The following LUZP2 variants were observed in gnomAD, a reference collection of about 807,000 sequenced individuals.
The protein encoded by LUZP2 is leucine zipper protein 2.
A neutral mutation model predicts 51.6 loss-of-function variants in LUZP2; 52 were observed. The observed-to-expected ratio is 1.01, with a 90% CI of 0.81 to 1.27. The LOEUF is 1.27. Ranked by LOEUF, LUZP2 falls within the 50% of genes most tolerant of loss-of-function variation. The probability of loss-of-function intolerance (pLI) is 0.00; values close to 1 mark genes in which losing one functional copy is unlikely to be tolerated. For synonymous variants in LUZP2, 154 were observed against 137.3 expected (o/e 1.12, Z -0.85); for missense variants, 436 against 395.4 (o/e 1.10, Z -0.87).
rs2133972440 is a variant in LUZP2 at position 24,732,188 on chromosome 11, G to A, written c.251G>A (p.Arg84Lys). The change falls in exon 3 of 12, where the codon AGA (arginine) becomes AAA (lysine). Residue 84 changes from arginine to lysine, a missense_variant and splice_region_variant. Transcript: ENST00000336930. ...QKLLELGQKQ[R>K]EEMKSLQEAL... ...CTTCTGGAATTAGGACAGAAACAAA[G>A]GTAAGACTTTTCTTTTTTTCTTAGT... 6.3e-7 allele frequency: 1 copy of A among 1,598,940 alleles called. No individual in the cohort carries two copies. Among genetic ancestry groups the A allele is most frequent in the Non-Finnish European group, 8.5e-7 (1 of 1,172,358 alleles).
intron 5 of LUZP2, among the ~76,000 whole-genome samples, chr11:24,847,449 G>A (rs574680748): frequency 6.6e-6 from 1 of 152,094 alleles, no homozygotes; most frequent in Non-Finnish European, 1.5e-5. Flanking sequence ...TCTGTCTAAT[G>A]TTTTATCATG....
chr11:24,884,227 G>T (rs749832543), intron 5 of LUZP2, among the ~76,000 whole-genome samples: 5 of 151,918 alleles, frequency 3.3e-5, no homozygotes, highest in Non-Finnish European at 7.4e-5. Context: ...ATGCATCTGG[G>T]ATTAGACACT....
rs998947235 is a variant in LUZP2 at position 24,841,982 on chromosome 11, G to A, written c.397-64009G>A. Reference sequence around the variant, plus strand: ...TGAGGAAACTCACATACCTCACAATGAGTGTAAATAGACCAAAACATCCAT... The same window carrying A: ...TGAGGAAACTCACATACCTCACAATAAGTGTAAATAGACCAAAACATCCAT... On this transcript the variant is annotated intron_variant, in intron 5 of 11. Coordinates refer to ENST00000336930, the MANE Select transcript of LUZP2 (RefSeq NM_001009909.4). 2.6e-5 allele frequency among the ~76,000 whole-genome samples: 4 copies of A among 151,950 alleles called. 1 individual carries two copies. In the South Asian group the frequency reaches 8.3e-4, roughly 31 times the overall value.
intron 7 of LUZP2, among the ~76,000 whole-genome samples, chr11:24,922,644 A>AT (rs1210774169): frequency 2.0e-5 from 3 of 152,012 alleles, no homozygotes; most frequent in Admixed American, 2.0e-4. Flanking sequence ...TAACAATATT[A>AT]TTTTCTTACA....
At chr11:24,905,922 T>C in intron 5 of LUZP2, 69 bp from the exon 6 acceptor site, 1 of 1,115,656 alleles carries the variant, frequency 9.0e-7, no homozygotes, top group Non-Finnish European at 1.4e-6. Context: ...AGCAATAATG[T>C]TGACATAGTT....
At chr11:25,057,562 A>G (rs1305998017) in intron 10 of LUZP2, among the ~76,000 whole-genome samples, 1 of 152,166 alleles carries the variant, frequency 6.6e-6, no homozygotes, top group Non-Finnish European at 1.5e-5. Flanking sequence ...TGTGCCTCAT[A>G]TTGTTTAATA....
At chr11:25,062,621 A>G (rs1858877392) in intron 10 of LUZP2, among the ~76,000 whole-genome samples, 1 of 147,806 alleles carries the variant, frequency 6.8e-6, no homozygotes. Flanking sequence ...AAAGAAAGGA[A>G]AGGAAACCAG....
chr11:24,841,990 A>G (rs113921184), intron 5 of LUZP2, among the ~76,000 whole-genome samples: 9 of 152,176 alleles, frequency 5.9e-5, no homozygotes, highest in African/African-American at 1.9e-4. Context: ...ATGAGTGTAA[A>G]TAGACCAAAA....
chr11:24,733,882 G>A (rs1220039732), intron 3 of LUZP2, among the ~76,000 whole-genome samples: 1 of 151,632 alleles, frequency 6.6e-6, no homozygotes, highest in East Asian at 1.9e-4. Flanking sequence ...CACAATACAT[G>A]TGCAGCACCC....
At chr11:24,522,818 A>C (rs1207580956) in intron 1 of LUZP2, among the ~76,000 whole-genome samples, 1 of 152,116 alleles carries the variant, frequency 6.6e-6, no homozygotes, top group African/African-American at 2.4e-5. Flanking sequence ...TTTACATAGT[A>C]AATATATTCT....
chr11:24,620,025 T>G (rs1308839349), intron 1 of LUZP2, among the ~76,000 whole-genome samples: 1 of 152,178 alleles, frequency 6.6e-6, no homozygotes, highest in Non-Finnish European at 1.5e-5. Flanking sequence ...CTTCTCTATT[T>G]CTCATTTGGA....
rs1157904861 is a variant in LUZP2 at position 24,726,952 on chromosome 11, T to G, written c.63-2217T>G. On this transcript the variant is annotated intron_variant, in intron 1 of 11. Coordinates refer to ENST00000336930, the MANE Select transcript of LUZP2 (RefSeq NM_001009909.4). Reference sequence around the variant, plus strand: ...CTCTTACATAAGGACCTTAAATGTTTGAATCTAAAGTAGTACTGTTAATTA... The same window carrying G: ...CTCTTACATAAGGACCTTAAATGTTGGAATCTAAAGTAGTACTGTTAATTA... Among the ~76,000 whole-genome samples, 5 of 152,144 alleles carry G rather than the reference T, an allele frequency of 3.3e-5. 1 individual carries two copies. Among genetic ancestry groups the G allele is most frequent in the Admixed American group, 2.6e-4 (4 of 15,266 alleles).
At chr11:24,961,433 G>T (rs1226046917) in intron 7 of LUZP2, among the ~76,000 whole-genome samples, 3 of 152,170 alleles carry the variant, frequency 2.0e-5, no homozygotes, top group African/African-American at 7.2e-5. Context: ...GGGTGCTCCT[G>T]TATTGGGTGC....
intron 9 of LUZP2, among the ~76,000 whole-genome samples, chr11:25,018,225 C>G (rs2133969823): frequency 6.6e-6 from 1 of 152,150 alleles, no homozygotes; most frequent in East Asian, 1.9e-4. Context: ...TTAGGATATT[C>G]TAGGTATGCA....
intron 1 of LUZP2, among the ~76,000 whole-genome samples, chr11:24,550,190 T>C (rs1049495614): frequency 2.6e-5 from 4 of 152,066 alleles, no homozygotes; most frequent in African/African-American, 4.8e-5. Flanking sequence ...TGATACTAAT[T>C]GCTATAAATG....
At chr11:25,014,736 CAGA>C (rs1857094921) in intron 9 of LUZP2, among the ~76,000 whole-genome samples, 1 of 152,106 alleles carries the variant, frequency 6.6e-6, no homozygotes, top group African/African-American at 2.4e-5. Flanking sequence ...TTTTGCTGTG[CAGA>C]AGCTCTTTAG....
At chr11:24,839,040 G>T (rs1850943170) in intron 5 of LUZP2, among the ~76,000 whole-genome samples, 1 of 151,426 alleles carries the variant, frequency 6.6e-6, no homozygotes, top group African/African-American at 2.4e-5. Context: ...CATATGAGAT[G>T]GTTATAATTA....
At chr11:24,578,851 A>G (rs548565158) in intron 1 of LUZP2, among the ~76,000 whole-genome samples, 1 of 152,238 alleles carries the variant, frequency 6.6e-6, no homozygotes, top group South Asian at 2.1e-4. Flanking sequence ...GACTGGATCA[A>G]TCACACCTCA....
At chr11:24,509,897 G>C (rs1182333893) in intron 1 of LUZP2, among the ~76,000 whole-genome samples, 1 of 151,996 alleles carries the variant, frequency 6.6e-6, no homozygotes, top group Non-Finnish European at 1.5e-5. Flanking sequence ...TCTTTTACTT[G>C]AGTGACATAA....
Sources: gnomAD v4.1 joint callset for allele counts (sites outside exome capture counted in the v4.1 genomes callset) on GRCh38, gnomAD v4.1.1 for gene constraint, MANE v1.5 for transcripts, NCBI Gene and HGNC (gene_info 2026-07-23, HGNC 2026-07-21) for gene names.